VWA2: variants seen among roughly 807,000 people sequenced by gnomAD.
The protein encoded by VWA2 is von Willebrand factor A domain containing 2, also known as von Willebrand factor A domain-containing protein 2.
VWA2 carries 73 observed loss-of-function variants against 70.4 expected under a neutral mutation model. The ratio of observed to expected loss-of-function variants is 1.04; its 90% CI spans 0.86 to 1.26. The LOEUF (loss-of-function observed/expected upper bound fraction) is 1.26, where lower values mean the gene tolerates loss of function less well. Among genes scored for constraint, VWA2 ranks in the 50% most tolerant of loss-of-function variants. The pLI, the probability that VWA2 is intolerant of heterozygous loss-of-function variation, is 0.00. For missense variants in VWA2, 1,011 were observed against 998.5 expected (o/e 1.01, Z -0.17); for synonymous variants, 407 against 423.3 (o/e 0.96, Z 0.47).
chr10:114,246,370 G>A (rs541473441), intron 1 of VWA2, among the ~76,000 whole-genome samples: 2 of 152,088 alleles, frequency 1.3e-5, no homozygotes, highest in East Asian at 1.9e-4. Flanking sequence ...GCGTGGTGGC[G>A]CATGCCTGTA....
In VWA2 at chr10:114,261,195, G is replaced by T; in HGVS notation, c.271G>T (p.Gly91Ter). 1.2e-6 allele frequency: 2 copies of T among 1,613,306 alleles called. No individual in the cohort carries two copies. The highest frequency in any genetic ancestry group is 1.3e-5 in the African/African-American group (1 of 74,994). Reference protein sequence around the residue: ...LDISPERVRVGAFQFSSTPHL... With the variant: ...LDISPERVRV ...CTGTCTCCTACTGCAGGTCAGAGTG[G>T]GAGCATTCCAGTTCAGTTCCACTCC... The change falls in exon 5 of 14, where the codon GGA (glycine) becomes TGA (stop). Residue 91 changes from glycine to a stop codon, truncating the protein, a stop_gained. Coordinates refer to ENST00000392982, the MANE Select transcript of VWA2 (RefSeq NM_001272046.2). LOFTEE classifies it high-confidence loss of function.
chr10:114,267,944 A>G (rs2133348862), intron 5 of VWA2, among the ~76,000 whole-genome samples: 1 of 152,238 alleles, frequency 6.6e-6, no homozygotes, highest in East Asian at 1.9e-4. Context: ...TATGAACACT[A>G]GAATTTGAGA....
chr10:114,240,655 A>G (rs2036959347), intron 1 of VWA2, among the ~76,000 whole-genome samples: 1 of 152,264 alleles, frequency 6.6e-6, no homozygotes, highest in Non-Finnish European at 1.5e-5. Context: ...TTGAAGAGTC[A>G]GAGAAGTGAA....
intron 6 of VWA2, among the ~76,000 whole-genome samples, chr10:114,275,889 CT>C (rs1306611826): frequency 2.0e-5 from 3 of 152,180 alleles, no homozygotes; most frequent in Non-Finnish European, 2.9e-5. Flanking sequence ...GATTACGCCA[CT>C]GCAGTCCAGC....
intron 2 of VWA2, among the ~76,000 whole-genome samples, chr10:114,251,908 G>A (rs1001030869): frequency 2.1e-5 from 3 of 144,170 alleles, no homozygotes; most frequent in East Asian, 4.1e-4. Flanking sequence ...TGCAACCTCC[G>A]CCTCCCGGGT....
Position 114,286,145 on chromosome 10 carries a change from G to C in VWA2, c.1204G>C (p.Asp402His), listed in dbSNP as rs376018496. 3 of 1,614,136 alleles carry C rather than the reference G, an allele frequency of 1.9e-6. No homozygotes were observed. The highest frequency in any genetic ancestry group is 2.5e-6 in the Non-Finnish European group (3 of 1,180,032). The change falls in exon 11 of 14, where the codon GAT (aspartate) becomes CAT (histidine). Residue 402 changes from aspartate (D) to histidine (H), a missense_variant. Asp to His is a moderately conservative substitution (Grantham distance 81). Coordinates refer to ENST00000392982, the MANE Select transcript of VWA2 (RefSeq NM_001272046.2). ...LVAVPVGEYQ[D>H]VPDLVWSLDG... ...GGCGGTGCCTGTGGGGGAGTACCAG[G>C]ATGTGCCTGACCTGGTCTGGAGCCT...
chr10:114,286,738 G>A (rs1174985818), intron 11 of VWA2, among the ~76,000 whole-genome samples: 1 of 152,204 alleles, frequency 6.6e-6, no homozygotes, highest in Non-Finnish European at 1.5e-5. Context: ...TAGGTAAGAT[G>A]GGCAGTGTAC....
intron 5 of VWA2, among the ~76,000 whole-genome samples, chr10:114,264,591 T>C (rs565550647): frequency 6.6e-6 from 1 of 152,078 alleles, no homozygotes; most frequent in African/African-American, 2.4e-5. Context: ...CTAATTTTTT[T>C]TGTATTTTTA....
rs984698181 is a variant in VWA2, at chr10:114,294,122, T to C, written c.*2885T>C. Among the ~76,000 whole-genome samples the C allele has an allele frequency of 2.6e-5, 4 of 152,200 alleles. No homozygotes were observed. The highest frequency in any genetic ancestry group is 9.6e-5 in the African/African-American group (4 of 41,456). On this transcript the variant is annotated 3_prime_UTR_variant, in exon 14 of 14. Transcript: ENST00000392982. The stretch of plus-strand genomic sequence containing the variant: ...AATCATTGAACAACCCTTGATTTTT[T>C]TGGATAAACTCTATTTGGTCATTAT...
intron 8 of VWA2, among the ~76,000 whole-genome samples, chr10:114,280,359 T>G (rs1042171644): frequency 5.3e-5 from 8 of 151,594 alleles, no homozygotes; most frequent in Non-Finnish European, 1.2e-4. Flanking sequence ...CATTCCAAAA[T>G]GAATACAGAA....
chr10:114,291,573 G>C lies in VWA2; in HGVS notation c.*336G>C. The C allele has an allele frequency of 3.5e-6, 1 of 281,940 alleles. No homozygotes were observed. The highest frequency in any genetic ancestry group is 6.7e-6 in the Non-Finnish European group (1 of 149,966). The allele number at this position is 281,940 out of a possible 1,614,324, so 17.5% of individuals were successfully genotyped here. ...ACCTTTCCCTTGAGGATAAACAAGG[G>C]GTCCTGAAGACTTAAATTTAGCGGC... On this transcript the variant is annotated 3_prime_UTR_variant, in exon 14 of 14. Coordinates refer to ENST00000392982, the MANE Select transcript of VWA2 (RefSeq NM_001272046.2).
At chr10:114,248,614 G>T in intron 1 of VWA2, 90 bp from the exon 2 acceptor site, 3 of 1,122,504 alleles carry the variant, frequency 2.7e-6, no homozygotes, top group African/African-American at 1.5e-5. Flanking sequence ...ACCTGGAAAA[G>T]GCTGAGTTGG....
At chr10:114,250,766 G>A (rs11196673) in intron 2 of VWA2, among the ~76,000 whole-genome samples, 8,504 of 152,288 alleles carry the variant, frequency 0.056, 310 homozygotes, top group Non-Finnish European at 0.079. Flanking sequence ...AAGGGGTTGG[G>A]GAGTGGTGAG....
Position 114,272,727 on chromosome 10 carries a change from T to C in VWA2, c.372-13T>C. On this transcript the variant is annotated splice_polypyrimidine_tract_variant and intron_variant, in intron 5 of 13. Transcript: ENST00000392982. The stretch of plus-strand genomic sequence containing the variant: ...TTCACTTTTCTTTCTTTTTTCCTTC[T>C]GGGTGTGCACAGAGGAGGGCGCACG... 6.4e-7 allele frequency: 1 copy of C among 1,557,436 alleles called. No homozygotes were observed.
chr10:114,285,887 C>G, intron 10 of VWA2, 52 bp from the exon 11 acceptor site: 1 of 1,508,230 alleles, frequency 6.6e-7, no homozygotes, highest in Non-Finnish European at 8.9e-7. Flanking sequence ...TGGGACAGCT[C>G]GCATGCCGCA....
chr10:114,243,473 C>A (rs544378760), intron 1 of VWA2, among the ~76,000 whole-genome samples: 3 of 152,328 alleles, frequency 2.0e-5, no homozygotes, highest in African/African-American at 7.2e-5. Flanking sequence ...ATTGTTCCAG[C>A]AAGGACTTCC....
intron 6 of VWA2, among the ~76,000 whole-genome samples, chr10:114,273,333 C>T (rs1418923928): frequency 6.6e-6 from 1 of 152,166 alleles, no homozygotes; most frequent in East Asian, 1.9e-4. Context: ...CGTACCCTGA[C>T]TTTATTAGGA....
intron 10 of VWA2, among the ~76,000 whole-genome samples, chr10:114,285,486 A>G (rs982586277): frequency 2.0e-5 from 3 of 152,214 alleles, no homozygotes; most frequent in African/African-American, 7.2e-5. Flanking sequence ...AAAACAAGTG[A>G]TACTGGGTTA....
chr10:114,285,098 A>T (rs1034967930), intron 10 of VWA2, 128 bp downstream of exon 10: 2 of 668,100 alleles, frequency 3.0e-6, no homozygotes, highest in African/African-American at 1.9e-5. Flanking sequence ...TTTCCAATGC[A>T]CCACTGGTCT....
Sources: gnomAD v4.1 joint callset for allele counts (sites outside exome capture counted in the v4.1 genomes callset) on GRCh38, gnomAD v4.1.1 for gene constraint, MANE v1.5 for transcripts, NCBI Gene and HGNC (gene_info 2026-07-23, HGNC 2026-07-21) for gene names.